Variants in GPC5 observed in about 807,000 individuals in gnomAD.
GPC5 encodes glypican-5.
GPC5 carries 47 observed loss-of-function variants against 53.9 expected under a neutral mutation model. The ratio of observed to expected loss-of-function variants is 0.87; its 90% CI spans 0.69 to 1.11. GPC5 has a LOEUF of 1.11. Ranked by LOEUF, GPC5 falls within the 50% of genes most tolerant of loss-of-function variation. The pLI, the probability that GPC5 is intolerant of heterozygous loss-of-function variation, is 0.00. For missense variants in GPC5, 748 were observed against 713.1 expected (o/e 1.05, Z -0.56); for synonymous variants, 286 against 263.3 (o/e 1.09, Z -0.84).
intron 5 of GPC5, among the ~76,000 whole-genome samples, chr13:91,872,230 A>C (rs758346053): frequency 6.6e-6 from 1 of 152,170 alleles, no homozygotes; most frequent in South Asian, 2.1e-4. Context: ...GTAGCAAAGC[A>C]TATATGAGAT....
At chr13:92,159,085 G>A (rs1442669443) in intron 7 of GPC5, among the ~76,000 whole-genome samples, 1 of 152,138 alleles carries the variant, frequency 6.6e-6, no homozygotes, top group Non-Finnish European at 1.5e-5. Context: ...TGCCTATTTT[G>A]TCACAGATCT....
intron 5 of GPC5, among the ~76,000 whole-genome samples, chr13:91,798,527 C>G (rs1271528199): frequency 6.6e-6 from 1 of 152,094 alleles, no homozygotes; most frequent in Non-Finnish European, 1.5e-5. Flanking sequence ...GATCTTGTTC[C>G]TTTTTATGGC....
chr13:92,673,125 A>G lies in GPC5; in HGVS notation c.1562-193157A>G, dbSNP rs1410996468. On this transcript the variant is annotated intron_variant, in intron 7 of 7. Coordinates refer to ENST00000377067, the MANE Select transcript of GPC5 (RefSeq NM_004466.6). ...ATCAACTTTAAATAATTTTTTATGC[A>G]TGACATAATATGTTATTAAAATTCA... 1.3e-5 allele frequency among the ~76,000 whole-genome samples: 2 copies of G among 151,750 alleles called. 1 individual carries two copies. The highest frequency in any genetic ancestry group is 2.9e-5 in the Non-Finnish European group (2 of 67,930).
chr13:92,005,278 C>G (rs997267536), intron 6 of GPC5, among the ~76,000 whole-genome samples: 1 of 152,176 alleles, frequency 6.6e-6, no homozygotes, highest in African/African-American at 2.4e-5. Flanking sequence ...CTTCACAAAA[C>G]TGCAACAGCC....
chr13:92,050,781 T>G (rs894848982), intron 6 of GPC5, among the ~76,000 whole-genome samples: 2 of 152,208 alleles, frequency 1.3e-5, no homozygotes, highest in Admixed American at 1.3e-4. Flanking sequence ...AATCTGCTTT[T>G]TACAAACCCC....
chr13:91,996,311 A>G (rs1175256364), intron 6 of GPC5: 1 of 152,260 alleles, frequency 6.6e-6, no homozygotes, highest in African/African-American at 2.4e-5. Flanking sequence ...TCTGGTTGCA[A>G]ACATCTTCTC....
intron 3 of GPC5, among the ~76,000 whole-genome samples, chr13:91,707,311 A>C (rs2139886186): frequency 6.6e-6 from 1 of 152,258 alleles, no homozygotes; most frequent in Admixed American, 6.5e-5. Context: ...CTTCACACTG[A>C]GTAGGTTGGC....
In GPC5 at chr13:92,120,572, G is replaced by T. The variant is rs565552225; in HGVS notation, c.1402-24258G>T. Among the ~76,000 whole-genome samples the T allele has an allele frequency of 1.0e-3, 158 of 152,186 alleles. 1 individual carries two copies. Among genetic ancestry groups the T allele is most frequent in the African/African-American group, 3.5e-3 (146 of 41,562 alleles). On this transcript the variant is annotated intron_variant, in intron 6 of 7. Transcript: ENST00000377067. ...AGCCTAATGACTATTTTTGAAAAAAGAAACACATTACTCTCCCTTGTTAAT... is the reference window on the plus strand; with the variant it reads ...AGCCTAATGACTATTTTTGAAAAAATAAACACATTACTCTCCCTTGTTAAT...
intron 7 of GPC5, among the ~76,000 whole-genome samples, chr13:92,282,122 C>T (rs983586917): frequency 6.6e-6 from 1 of 152,056 alleles, no homozygotes; most frequent in Admixed American, 6.6e-5. Context: ...GTAGCCGATT[C>T]GATCAACTGG....
intron 6 of GPC5, among the ~76,000 whole-genome samples, chr13:92,034,152 C>T (rs905160320): frequency 2.6e-5 from 4 of 152,042 alleles, no homozygotes; most frequent in Non-Finnish European, 5.9e-5. Context: ...CATAAAAAAT[C>T]TATAATTTAA....
At chr13:91,769,787 C>T (rs938947728) in intron 5 of GPC5, among the ~76,000 whole-genome samples, 3 of 152,124 alleles carry the variant, frequency 2.0e-5, no homozygotes, top group Non-Finnish European at 4.4e-5. Context: ...ATCTGTTTTC[C>T]TCTGTATTCA....
intron 6 of GPC5, among the ~76,000 whole-genome samples, chr13:91,951,966 T>C (rs750843492): frequency 6.6e-6 from 1 of 152,090 alleles, no homozygotes; most frequent in Non-Finnish European, 1.5e-5. Context: ...AATAAGTAAA[T>C]GGGTAAAGCT....
chr13:92,356,813 G>T (rs1223473917), intron 7 of GPC5, among the ~76,000 whole-genome samples: 1 of 152,124 alleles, frequency 6.6e-6, no homozygotes, highest in East Asian at 1.9e-4. Context: ...AATTATCCAG[G>T]TACTCAGTCT....
intron 5 of GPC5, among the ~76,000 whole-genome samples, chr13:91,881,753 C>A (rs944494662): frequency 2.0e-5 from 3 of 152,140 alleles, no homozygotes; most frequent in African/African-American, 7.2e-5. Flanking sequence ...TAGGTTGTAG[C>A]AGGAATAATT....
At chr13:91,436,615 T>C (rs956767568) in intron 1 of GPC5, among the ~76,000 whole-genome samples, 1 of 152,198 alleles carries the variant, frequency 6.6e-6, no homozygotes, top group African/African-American at 2.4e-5. Flanking sequence ...AACTATGTGG[T>C]CAATTTTGGA....
chr13:92,293,591 C>A (rs1322515008), intron 7 of GPC5, among the ~76,000 whole-genome samples: 2 of 151,986 alleles, frequency 1.3e-5, no homozygotes, highest in Non-Finnish European at 2.9e-5. Context: ...TAGGAGCTTT[C>A]TGGAGGAGTC....
chr13:92,443,004 A>G (rs1877639606), intron 7 of GPC5, among the ~76,000 whole-genome samples: 2 of 152,196 alleles, frequency 1.3e-5, no homozygotes, highest in African/African-American at 4.8e-5. Flanking sequence ...GAGGCTGGGT[A>G]ATTTATAAAT....
At chr13:92,053,846 AT>A (rs1235821435) in intron 6 of GPC5, among the ~76,000 whole-genome samples, 6 of 151,880 alleles carry the variant, frequency 4.0e-5, no homozygotes, top group Non-Finnish European at 7.4e-5. Flanking sequence ...CCTGGCCAAC[AT>A]GGTGAAACCC....
intron 6 of GPC5, among the ~76,000 whole-genome samples, chr13:91,911,765 A>G (rs924868405): frequency 1.3e-5 from 2 of 152,166 alleles, no homozygotes; most frequent in African/African-American, 4.8e-5. Flanking sequence ...AAATGTTGGA[A>G]GCGGGGTTAT....
Sources: allele counts gnomAD v4.1 joint callset (sites outside exome capture counted in the v4.1 genomes callset), GRCh38; gene constraint gnomAD v4.1.1; transcripts MANE v1.5; gene names NCBI Gene and HGNC (gene_info 2026-07-23, HGNC 2026-07-21).